Variants in ANO4 observed in about 807,000 individuals in gnomAD.
ANO4 encodes the protein anoctamin 4, also known as anoctamin-4.
Under a neutral mutation model 141.9 loss-of-function variants are expected in ANO4, and 69 were observed. The observed-to-expected ratio is 0.49, with a 90% CI of 0.40 to 0.59. ANO4 has a LOEUF of 0.59. Ranked by LOEUF, ANO4 falls within the 20% of genes least tolerant of loss-of-function variation. The pLI, the probability that ANO4 is intolerant of heterozygous loss-of-function variation, is 0.00. For missense variants in ANO4, 894 were observed against 1,162.2 expected (o/e 0.77, Z 3.36); for synonymous variants, 350 against 394.3 (o/e 0.89, Z 1.33).
At chr12:100,862,729 G>A (rs1447195232) in intron 1 of ANO4, among the ~76,000 whole-genome samples, 1 of 151,318 alleles carries the variant, frequency 6.6e-6, no homozygotes, top group Non-Finnish European at 1.5e-5. Context: ...CTGCAAACAT[G>A]TGAGTAATGC....
rs184697912 is a variant in ANO4 at position 100,819,782 on chromosome 12, C to T, written c.-141+24755C>T. 8.6e-4 allele frequency among the ~76,000 whole-genome samples: 130 copies of T among 151,864 alleles called. 1 individual carries two copies. The highest frequency in any genetic ancestry group is 2.2e-3 in the Admixed American group (34 of 15,218). On this transcript the variant is annotated intron_variant, in intron 1 of 27. Coordinates refer to ENST00000392977, the MANE Select transcript of ANO4 (RefSeq NM_001286615.2). Reference sequence around the variant, plus strand: ...TTTAAAAAACTGTGATGAAAGCATGCGAGACTTGAGATGGCTGTAGAAGGA... The same window carrying T: ...TTTAAAAAACTGTGATGAAAGCATGTGAGACTTGAGATGGCTGTAGAAGGA...
Position 100,743,288 on chromosome 12 carries a change from A to G in ANO4, c.358+3183A>G, listed in dbSNP as rs140925215. 3.6e-3 allele frequency among the ~76,000 whole-genome samples: 538 copies of G among 150,798 alleles called. 2 individuals carry two copies. The highest frequency in any genetic ancestry group is 5.0e-3 in the Admixed American group (76 of 15,122). On this transcript the variant is annotated intron_variant, in intron 3 of 29. Transcript: ENST00000644049. ...AAATATTTTAAAATATATATCTAAA[A>G]TATTAGTACAAATACACTGAATGCA...
At chr12:101,124,807 T>C (rs904775620) in intron 26 of ANO4, among the ~76,000 whole-genome samples, 4 of 152,212 alleles carry the variant, frequency 2.6e-5, no homozygotes, top group Non-Finnish European at 4.4e-5. Flanking sequence ...ATCTGAGATC[T>C]CTAATCTGTT....
intron 3 of ANO4, among the ~76,000 whole-genome samples, chr12:100,779,545 A>C (rs2033646584): frequency 6.6e-6 from 1 of 152,058 alleles, no homozygotes; most frequent in Non-Finnish European, 1.5e-5. Flanking sequence ...CACCTCTTTT[A>C]TCTCTTTATA....
rs148703868 is a variant in ANO4 at position 101,120,232 on chromosome 12, T to A, written c.2571-288T>A. On this transcript the variant is annotated intron_variant, in intron 25 of 27. Coordinates refer to ENST00000392977, the MANE Select transcript of ANO4 (RefSeq NM_001286615.2). Reference sequence around the variant, plus strand: ...TTAGTGATCATTCACTAAGTGATAGTTCTGGCAGACATCTTGATGATGTCA... The same window carrying A: ...TTAGTGATCATTCACTAAGTGATAGATCTGGCAGACATCTTGATGATGTCA... 3.3e-4 allele frequency among the ~76,000 whole-genome samples: 50 copies of A among 152,322 alleles called. 2 individuals are homozygous for A. In the East Asian group the frequency reaches 8.5e-3, roughly 26 times the overall value.
intron 5 of ANO4, among the ~76,000 whole-genome samples, chr12:100,960,322 A>T (rs906952254): frequency 4.6e-5 from 7 of 152,206 alleles, no homozygotes; most frequent in Admixed American, 2.0e-4. Flanking sequence ...TATACCAATG[A>T]GGAAGTGATA....
intron 17 of ANO4, among the ~76,000 whole-genome samples, chr12:101,090,669 G>C (rs1391051301): frequency 1.3e-5 from 2 of 151,988 alleles, no homozygotes; most frequent in Non-Finnish European, 2.9e-5. Flanking sequence ...AACGGGTGCA[G>C]CACACCAACA....
chr12:100,982,477 TC>T (rs2136314563), intron 7 of ANO4, among the ~76,000 whole-genome samples: 1 of 152,336 alleles, frequency 6.6e-6, no homozygotes, highest in African/African-American at 2.4e-5. Context: ...CAGACATCAA[TC>T]TACTAGGGAG....
chr12:100,951,157 C>T (rs1045626448), intron 5 of ANO4, among the ~76,000 whole-genome samples: 14 of 152,110 alleles, frequency 9.2e-5, no homozygotes, highest in African/African-American at 2.9e-4. Context: ...GTCAGAATGG[C>T]TATTATTAAT....
intron 1 of ANO4, among the ~76,000 whole-genome samples, chr12:100,868,099 A>G (rs898931536): frequency 6.6e-6 from 1 of 152,156 alleles, no homozygotes; most frequent in Non-Finnish European, 1.5e-5. Context: ...TCAGAGAGCA[A>G]CTTAAGTCTA....
At position 101,036,808 on chromosome 12, in the gene ANO4, T is replaced by C. The variant is rs534553478; in HGVS notation, c.842-287T>C. Among the ~76,000 whole-genome samples, 7 of 152,290 alleles carry C rather than the reference T, an allele frequency of 4.6e-5. No homozygotes were observed. The East Asian group carries it at 1.2e-3, about 25-fold the overall frequency. On this transcript the variant is annotated intron_variant, in intron 9 of 27. Transcript: ENST00000392977. ...GAGATAGATGTGTTAATTAATGTGA[T>C]TGTGGTAATCATTACATAATGTATA...
At chr12:101,025,958 T>C (rs901793903) in intron 9 of ANO4, among the ~76,000 whole-genome samples, 7 of 152,230 alleles carry the variant, frequency 4.6e-5, no homozygotes, top group Non-Finnish European at 1.0e-4. Flanking sequence ...GAAATGCTTA[T>C]AGTTAAAATT....
intron 26 of ANO4, among the ~76,000 whole-genome samples, chr12:101,121,631 A>G (rs1400999638): frequency 3.9e-5 from 6 of 152,046 alleles, no homozygotes; most frequent in Admixed American, 3.3e-4. Context: ...ATGGTAGTTA[A>G]GCCCTTTGTT....
chr12:100,958,805 G>A (rs928260794), intron 5 of ANO4, among the ~76,000 whole-genome samples: 16 of 152,116 alleles, frequency 1.1e-4, no homozygotes, highest in Non-Finnish European at 1.6e-4. Flanking sequence ...CCAAGATTGC[G>A]CCCCTGCGAT....
intron 3 of ANO4, among the ~76,000 whole-genome samples, chr12:100,930,450 A>G (rs951462306): frequency 2.6e-5 from 4 of 152,164 alleles, no homozygotes; most frequent in African/African-American, 9.7e-5. Flanking sequence ...TCCTTTCTCC[A>G]ATGTATGTTC....
At chr12:101,104,114 G>T (rs1400708545) in intron 22 of ANO4, among the ~76,000 whole-genome samples, 1 of 151,614 alleles carries the variant, frequency 6.6e-6, no homozygotes, top group Non-Finnish European at 1.5e-5. Flanking sequence ...CATAGTTTGT[G>T]CTTTTCTCCC....
intron 3 of ANO4, among the ~76,000 whole-genome samples, chr12:100,765,711 T>C (rs1041079901): frequency 2.0e-5 from 3 of 151,490 alleles, no homozygotes; most frequent in Middle Eastern, 3.4e-3. Flanking sequence ...AAAAGAGTTC[T>C]TAGATTGATC....
chr12:100,881,354 A>T (rs2039559728), intron 1 of ANO4, among the ~76,000 whole-genome samples: 1 of 151,776 alleles, frequency 6.6e-6, no homozygotes, highest in Non-Finnish European at 1.5e-5. Flanking sequence ...CCATTCCTTT[A>T]TATTATAATA....
intron 1 of ANO4, among the ~76,000 whole-genome samples, chr12:100,839,062 A>G (rs1457617573): frequency 6.6e-6 from 1 of 152,082 alleles, no homozygotes; most frequent in East Asian, 1.9e-4. Flanking sequence ...TATTAGTTAG[A>G]AAACTATTTT....
Sources: gnomAD v4.1 joint callset for allele counts (sites outside exome capture counted in the v4.1 genomes callset) on GRCh38, gnomAD v4.1.1 for gene constraint, MANE v1.5 for transcripts, NCBI Gene and HGNC (gene_info 2026-07-23, HGNC 2026-07-21) for gene names.